DIPK1A: variants seen among roughly 807,000 people sequenced by gnomAD.
DIPK1A encodes the protein family with sequence similarity 69 member A.
A neutral mutation model predicts 40.8 loss-of-function variants in DIPK1A; 27 were observed. The ratio of observed to expected loss-of-function variants is 0.66; its 90% confidence interval spans 0.49 to 0.91. The LOEUF (loss-of-function observed/expected upper bound fraction) is 0.91. DIPK1A is among the 40% of genes least tolerant of loss of function. DIPK1A has a pLI of 0.00. For missense variants in DIPK1A, 412 were observed against 505.7 expected, an observed-to-expected ratio of 0.81 and a Z score of 1.78; for synonymous variants, 166 against 171.3, an observed-to-expected ratio of 0.97 and a Z score of 0.24.
chr1:92,925,310 T>G (rs1650447236), intron 1 of DIPK1A, among the ~76,000 whole-genome samples: 1 of 152,220 alleles, frequency 6.6e-6, no homozygotes, highest in Admixed American at 6.5e-5. Context: ...CAAAATTAGT[T>G]GAGAAGTTAT....
At chr1:92,876,997 G>A in intron 1 of DIPK1A, 1 of 985,294 alleles carries the variant, frequency 1.0e-6, no homozygotes, top group African/African-American at 1.7e-5. Context: ...CGAACCAAAT[G>A]TTTCACCGAA....
chr1:92,850,211 C>T (rs1344289671), intron 3 of DIPK1A, among the ~76,000 whole-genome samples: 1 of 152,014 alleles, frequency 6.6e-6, no homozygotes, highest in South Asian at 2.1e-4. Flanking sequence ...CGCAAGTGGT[C>T]CTCCCATCTC....
intron 1 of DIPK1A, among the ~76,000 whole-genome samples, chr1:92,948,971 A>T (rs1651516196): frequency 1.3e-5 from 2 of 150,572 alleles, no homozygotes; most frequent in South Asian, 4.2e-4. Flanking sequence ...TACCCGGCTA[A>T]TTTTTTGTAT....
At chr1:92,919,886 G>A (rs982495322) in intron 1 of DIPK1A, among the ~76,000 whole-genome samples, 6 of 152,202 alleles carry the variant, frequency 3.9e-5, no homozygotes, top group East Asian at 1.9e-4. Flanking sequence ...AAAGGAAAAC[G>A]AATGCCTTGG....
At position 92,954,549 on chromosome 1, in the gene DIPK1A, A is replaced by G. The variant is rs140544945; in HGVS notation, c.54+6827T>C. On this transcript the variant is annotated intron_variant, in intron 1 of 4. Coordinates refer to ENST00000370310, the MANE Select transcript of DIPK1A (RefSeq NM_001006605.5). ...GCCACCATACCCGGCTATTTTTTGT[A>G]CTTTTAGTAGAGACAGGGTTTCGCC... 3.9e-3 allele frequency among the ~76,000 whole-genome samples: 588 copies of G among 151,434 alleles called. 3 individuals are homozygous for G. Among genetic ancestry groups the G allele is most frequent in the African/African-American group, 0.013 (557 of 41,314 alleles).
intron 1 of DIPK1A, among the ~76,000 whole-genome samples, chr1:92,900,877 T>C (rs995739302): frequency 1.3e-5 from 2 of 151,980 alleles, no homozygotes; most frequent in Non-Finnish European, 2.9e-5. Flanking sequence ...CCTTGCTTTT[T>C]CATGTTTTTT....
chr1:92,850,288 T>A (rs1006332831), intron 3 of DIPK1A, among the ~76,000 whole-genome samples: 3 of 152,182 alleles, frequency 2.0e-5, no homozygotes, highest in Non-Finnish European at 4.4e-5. Context: ...CACCATTGTA[T>A]TCCTGGTAAC....
intron 3 of DIPK1A, among the ~76,000 whole-genome samples, chr1:92,847,818 C>A (rs1191453855): frequency 6.6e-6 from 1 of 152,198 alleles, no homozygotes; most frequent in Non-Finnish European, 1.5e-5. Flanking sequence ...TCATTGCAGC[C>A]TCAAAGTCCT....
At chr1:92,893,774 C>T (rs1158991141) in intron 1 of DIPK1A, among the ~76,000 whole-genome samples, 5 of 152,080 alleles carry the variant, frequency 3.3e-5, no homozygotes, top group Admixed American at 1.3e-4. Flanking sequence ...CGTGCAGAGA[C>T]ACACATAGGC....
At chr1:92,961,302 C>A in intron 1 of DIPK1A, 74 bp downstream of exon 1, 2 of 1,158,914 alleles carry the variant, frequency 1.7e-6, no homozygotes, top group Admixed American at 2.5e-5. Context: ...GGGGAGCGGG[C>A]GAGTCCTGCG....
At chr1:92,860,646 A>AAAAAAAAAGCCAGGGG (rs148916481) in intron 2 of DIPK1A, among the ~76,000 whole-genome samples, 5 of 105,210 alleles carry the variant, frequency 4.8e-5, no homozygotes, top group Non-Finnish European at 7.3e-5. Flanking sequence ...AAAAAAAAAA[A>AAAAAAAAAGCCAGGGG]TGGTGGTGTG....
Position 92,843,609 on chromosome 1 carries a change from C to T in DIPK1A, c.1061G>A (p.Cys354Tyr), listed in dbSNP as rs776715144. 2 of 1,551,794 alleles carry T rather than the reference C, an allele frequency of 1.3e-6. No homozygotes were observed. Among genetic ancestry groups the T allele is most frequent in the South Asian group, 1.2e-5 (1 of 84,056 alleles). Residue 354 changes from cysteine to tyrosine, a missense_variant, in exon 5 of 5, where the codon TGT becomes TAT. Cys to Tyr is a radical substitution (Grantham distance 194). Coordinates refer to ENST00000370310, the MANE Select transcript of DIPK1A (RefSeq NM_001006605.5). ...GTTTGGTTGTATCACTTCTGAAGTA[C>T]ACTTCATTGTACTCTGATCACAGCT... The part of the protein sequence containing the change: ...RTSCDQSTMK[C>Y]TSEVIQPNLA...
chr1:92,909,403 C>T (rs1207599110), intron 1 of DIPK1A, among the ~76,000 whole-genome samples: 1 of 152,136 alleles, frequency 6.6e-6, no homozygotes, highest in African/African-American at 2.4e-5. Context: ...AAAAGCCAAA[C>T]GGGTCCAGGC....
At chr1:92,907,737 C>CA (rs1383420761) in intron 1 of DIPK1A, among the ~76,000 whole-genome samples, 5 of 152,262 alleles carry the variant, frequency 3.3e-5, no homozygotes, top group Admixed American at 2.0e-4. Flanking sequence ...CCACCATGCG[C>CA]AGCCTGTTCT....
At chr1:92,877,702 T>C (rs1448714066) in intron 1 of DIPK1A, among the ~76,000 whole-genome samples, 1 of 152,200 alleles carries the variant, frequency 6.6e-6, no homozygotes, top group African/African-American at 2.4e-5. Flanking sequence ...GCAAGATACT[T>C]TTGTATTGCT....
chr1:92,934,045 A>G lies in DIPK1A; in HGVS notation c.54+27331T>C, dbSNP rs1445518541. On this transcript the variant is annotated intron_variant, in intron 1 of 4. Coordinates refer to ENST00000370310, the MANE Select transcript of DIPK1A (RefSeq NM_001006605.5). ...AATTTGAGAGACATTATGAAAGTAA[A>G]CTTCTTAGGATTTGTCAACAAATGG... The G allele has an allele frequency of 3.3e-5, 5 of 152,176 alleles. No individual in the cohort carries two copies. The South Asian group carries it at 6.2e-4, about 19-fold the overall frequency. 9.4% of individuals were successfully genotyped at this position (152,176 alleles called of 1,614,324 possible). A position where few individuals can be genotyped will look rare whatever the true frequency, so the allele number is the denominator to read the frequency against.
chr1:92,833,894 C>A (rs1687014164), intron 4 of DIPK1A: 2 of 525,436 alleles, frequency 3.8e-6, no homozygotes, highest in Admixed American at 6.5e-5. Context: ...TTGCTTGAGC[C>A]CAGGAGTTTG....
chr1:92,836,243 T>G (rs1687119389), intron 4 of DIPK1A: 3 of 1,613,424 alleles, frequency 1.9e-6, no homozygotes, highest in East Asian at 2.2e-5. Flanking sequence ...TGGAGGTGAC[T>G]GGTGATGAAT....
At chr1:92,960,266 G>A (rs1417088573) in intron 1 of DIPK1A, among the ~76,000 whole-genome samples, 1 of 152,068 alleles carries the variant, frequency 6.6e-6, no homozygotes, top group Non-Finnish European at 1.5e-5. Context: ...TCAGGGTAAT[G>A]ACTTACACAT....
Sources: gnomAD v4.1 joint callset for allele counts (sites outside exome capture counted in the v4.1 genomes callset) on GRCh38, gnomAD v4.1.1 for gene constraint, MANE v1.5 for transcripts, NCBI Gene and HGNC (gene_info 2026-07-23, HGNC 2026-07-21) for gene names.